Variants in PALM2AKAP2 observed in about 807,000 individuals in gnomAD.
The protein encoded by PALM2AKAP2 is PALM2 and AKAP2 fusion.
Under a neutral mutation model 71.5 loss-of-function variants are expected in PALM2AKAP2, and 37 were observed. The observed-to-expected ratio is 0.52, with a 90% CI of 0.40 to 0.68. The LOEUF (loss-of-function observed/expected upper bound fraction) is 0.68, where lower values mean the gene tolerates loss of function less well. Ranked by LOEUF, PALM2AKAP2 falls within the 30% of genes least tolerant of loss-of-function variation. The pLI is 0.00. For synonymous variants in PALM2AKAP2, 468 were observed against 478.8 expected (o/e 0.98, Z 0.29); for missense variants, 1,224 against 1,191.8 (o/e 1.03, Z -0.40).
chr9:109,886,839 C>T (rs1217162514), intron 3 of PALM2AKAP2, among the ~76,000 whole-genome samples: 2 of 152,094 alleles, frequency 1.3e-5, no homozygotes, highest in Non-Finnish European at 2.9e-5. Flanking sequence ...GTTGAGTTCT[C>T]AAAAAACTAA....
chr9:109,860,568 C>A (rs867655279), intron 1 of PALM2AKAP2, among the ~76,000 whole-genome samples: 11 of 152,200 alleles, frequency 7.2e-5, no homozygotes, highest in African/African-American at 2.7e-4. Flanking sequence ...AGAGGGGATT[C>A]ATTTTATAAG....
chr9:109,717,092 C>T (rs1405348928), intron 1 of PALM2AKAP2, among the ~76,000 whole-genome samples: 1 of 151,954 alleles, frequency 6.6e-6, no homozygotes, highest in East Asian at 1.9e-4. Flanking sequence ...CCACAGACAG[C>T]GCTGGCAAGT....
intron 2 of PALM2AKAP2, among the ~76,000 whole-genome samples, chr9:109,870,202 C>G (rs1308073057): frequency 2.0e-5 from 3 of 152,218 alleles, no homozygotes; most frequent in African/African-American, 7.2e-5. Context: ...TTCATCCTCC[C>G]TATAATTATT....
chr9:110,039,418 A>G (rs1426947453), intron 7 of PALM2AKAP2, among the ~76,000 whole-genome samples: 1 of 152,142 alleles, frequency 6.6e-6, no homozygotes, highest in African/African-American at 2.4e-5. Flanking sequence ...GGAAGGATAA[A>G]ATTGCTGGAA....
chr9:110,014,802 AAATGTATATATATATAT>A (rs1375775798), intron 6 of PALM2AKAP2, among the ~76,000 whole-genome samples: 26 of 41,460 alleles, frequency 6.3e-4, no homozygotes, highest in African/African-American at 3.8e-3. Context: ...AAAAAAAAAA[AAATGTATATATATATAT>A]ATATATATAT....
At chr9:109,720,884 G>A (rs765230897) in intron 1 of PALM2AKAP2, among the ~76,000 whole-genome samples, 14 of 152,270 alleles carry the variant, frequency 9.2e-5, no homozygotes, top group Admixed American at 3.9e-4. Context: ...CTAACCACTA[G>A]GGATAGAGCA....
chr9:109,927,562 G>C (rs1180135974), intron 5 of PALM2AKAP2, among the ~76,000 whole-genome samples: 1 of 152,198 alleles, frequency 6.6e-6, no homozygotes, highest in Non-Finnish European at 1.5e-5. Flanking sequence ...TGGTGTCTGT[G>C]TGTGTAATGA....
intron 6 of PALM2AKAP2, among the ~76,000 whole-genome samples, chr9:109,942,376 C>G (rs760709695): frequency 6.6e-6 from 1 of 152,182 alleles, no homozygotes; most frequent in African/African-American, 2.4e-5. Flanking sequence ...ATGTTGCCAG[C>G]CTCCATGAAA....
At chr9:110,006,613 T>G (rs1211222520) in intron 6 of PALM2AKAP2, among the ~76,000 whole-genome samples, 1 of 152,074 alleles carries the variant, frequency 6.6e-6, no homozygotes, top group Non-Finnish European at 1.5e-5. Flanking sequence ...TCCTCCCACC[T>G]CAGCCTCCCA....
intron 1 of PALM2AKAP2, among the ~76,000 whole-genome samples, chr9:109,643,548 T>C (rs1013135288): frequency 1.3e-5 from 2 of 152,218 alleles, no homozygotes; most frequent in Non-Finnish European, 2.9e-5. Context: ...TAAGGTTTCC[T>C]CCAGGTGTGC....
chr9:110,124,599 A>G (rs1229659775), intron 1 of PALM2AKAP2, among the ~76,000 whole-genome samples: 1 of 152,070 alleles, frequency 6.6e-6, no homozygotes, highest in Non-Finnish European at 1.5e-5. Flanking sequence ...AAACACGCCA[A>G]CTCCCTGTTA....
chr9:109,887,694 TA>T (rs35016162), intron 3 of PALM2AKAP2, among the ~76,000 whole-genome samples: 2 of 149,128 alleles, frequency 1.3e-5, no homozygotes, highest in African/African-American at 4.9e-5. Context: ...TGCCCCCCCC[TA>T]AAAAAATTCA....
rs58856772 is a variant in PALM2AKAP2, at chr9:109,935,939, T to G, written c.496+3911T>G. ...GAAAACTCTCCTTCTTGACCAAAAA[T>G]AGAAGCAAAATCAGACACAAGAAAT... is the stretch of plus-strand genomic sequence containing the variant. On this transcript the variant is annotated intron_variant, in intron 6 of 9. Coordinates refer to the PALM2AKAP2 transcript ENST00000302798. Among the ~76,000 whole-genome samples, 563 of 152,308 alleles carry G rather than the reference T, an allele frequency of 3.7e-3. 4 individuals are homozygous for G. Among genetic ancestry groups the G allele is most frequent in the African/African-American group, 0.013 (542 of 41,564 alleles).
chr9:109,808,953 C>CA (rs1292434201), intron 1 of PALM2AKAP2, among the ~76,000 whole-genome samples: 1 of 152,224 alleles, frequency 6.6e-6, no homozygotes, highest in African/African-American at 2.4e-5. Context: ...GTTGAGCCTG[C>CA]AGGTGCACAG....
intron 1 of PALM2AKAP2, among the ~76,000 whole-genome samples, chr9:110,103,439 T>C (rs1274688594): frequency 6.6e-6 from 1 of 152,190 alleles, no homozygotes; most frequent in Admixed American, 6.5e-5. Context: ...CATTTCTTAG[T>C]GGTGGTGTTA....
At chr9:109,903,202 C>T (rs1375506585) in intron 3 of PALM2AKAP2, among the ~76,000 whole-genome samples, 2 of 151,946 alleles carry the variant, frequency 1.3e-5, no homozygotes, top group South Asian at 2.1e-4. Context: ...GCATGCTGTG[C>T]GGGGTCTTGC....
At chr9:109,873,898 T>G (rs1296044253) in intron 2 of PALM2AKAP2, among the ~76,000 whole-genome samples, 1 of 152,098 alleles carries the variant, frequency 6.6e-6, no homozygotes, top group Admixed American at 6.5e-5. Flanking sequence ...TCCCAGTACT[T>G]GGGAGGCTGA....
chr9:110,052,878 A>G (rs1010970473), intron 1 of PALM2AKAP2, among the ~76,000 whole-genome samples: 1 of 152,262 alleles, frequency 6.6e-6, no homozygotes, highest in Non-Finnish European at 1.5e-5. Context: ...CCTGCAGGGC[A>G]GACTCTGGAG....
intron 2 of PALM2AKAP2, among the ~76,000 whole-genome samples, chr9:109,875,915 A>G (rs531833025): frequency 6.6e-6 from 1 of 152,268 alleles, no homozygotes; most frequent in African/African-American, 2.4e-5. Flanking sequence ...CCCTTTGTCC[A>G]GCTGCCAGCT....
Sources: allele counts gnomAD v4.1 joint callset (sites outside exome capture counted in the v4.1 genomes callset), GRCh38; gene constraint gnomAD v4.1.1; transcripts MANE v1.5; gene names NCBI Gene and HGNC (gene_info 2026-07-23, HGNC 2026-07-21).